Variants in LRRTM3 observed in about 807,000 individuals in gnomAD.
LRRTM3 encodes leucine rich repeat transmembrane neuronal 3.
A neutral mutation model predicts 44.7 loss-of-function variants in LRRTM3; 24 were observed. The ratio of observed to expected loss-of-function variants is 0.54; its 90% CI spans 0.39 to 0.76. The LOEUF is 0.76. Among genes scored for constraint, LRRTM3 ranks in the 30% least tolerant of loss-of-function variants. The pLI, the probability that LRRTM3 is intolerant of heterozygous loss-of-function variation, is 0.00. For missense variants in LRRTM3, 587 were observed against 702.2 expected, an observed-to-expected ratio of 0.84 and a Z score of 1.85; for synonymous variants, 277 against 278.7, an observed-to-expected ratio of 0.99 and a Z score of 0.06.
chr10:67,012,774 G>C (rs1180189462), intron 2 of LRRTM3, among the ~76,000 whole-genome samples: 3 of 151,960 alleles, frequency 2.0e-5, no homozygotes, highest in Non-Finnish European at 4.4e-5. Flanking sequence ...CAAGATTTTT[G>C]TTGGAATTCA....
intron 2 of LRRTM3, among the ~76,000 whole-genome samples, chr10:67,089,867 A>G (rs2131905074): frequency 6.6e-6 from 1 of 152,056 alleles, no homozygotes; most frequent in South Asian, 2.1e-4. Context: ...GCCAGAGAGC[A>G]GAAATTGTGT....
chr10:67,080,949 A>G (rs1382229381), intron 2 of LRRTM3, among the ~76,000 whole-genome samples: 4 of 150,404 alleles, frequency 2.7e-5, no homozygotes, highest in African/African-American at 4.9e-5. Context: ...AAAAAAAAAA[A>G]CAAAGAAGAG....
At chr10:66,958,824 A>AG in intron 2 of LRRTM3, among the ~76,000 whole-genome samples, 1 of 152,142 alleles carries the variant, frequency 6.6e-6, no homozygotes, top group Non-Finnish European at 1.5e-5. Flanking sequence ...GAAGGAAAGG[A>AG]ATTAAAATGG....
chr10:66,964,153 C>T (rs1849274549), intron 2 of LRRTM3, among the ~76,000 whole-genome samples: 1 of 151,944 alleles, frequency 6.6e-6, no homozygotes, highest in Admixed American at 6.6e-5. Flanking sequence ...CCCAGCCAGA[C>T]ATCAATTTCT....
At chr10:67,004,406 CT>C (rs1388644585) in intron 2 of LRRTM3, among the ~76,000 whole-genome samples, 3 of 152,194 alleles carry the variant, frequency 2.0e-5, no homozygotes, top group Admixed American at 6.5e-5. Context: ...TCTTGCTTCC[CT>C]GTTAAAATGA....
chr10:67,049,650 G>A (rs1854961395), intron 2 of LRRTM3, among the ~76,000 whole-genome samples: 1 of 152,128 alleles, frequency 6.6e-6, no homozygotes, highest in South Asian at 2.1e-4. Flanking sequence ...CAACACACCT[G>A]AATTTTCAGG....
chr10:67,037,353 G>T (rs1402541396), intron 2 of LRRTM3, among the ~76,000 whole-genome samples: 1 of 147,744 alleles, frequency 6.8e-6, no homozygotes, highest in Non-Finnish European at 1.5e-5. Context: ...ACACTATGTG[G>T]CAACAATGGA....
At chr10:67,023,072 A>C (rs568797660) in intron 2 of LRRTM3, among the ~76,000 whole-genome samples, 1 of 152,322 alleles carries the variant, frequency 6.6e-6, no homozygotes, top group Admixed American at 6.5e-5. Context: ...ACTTTTCCCC[A>C]GTTGAGCTAT....
chr10:66,996,221 T>C (rs1351328799), intron 2 of LRRTM3, among the ~76,000 whole-genome samples: 1 of 152,162 alleles, frequency 6.6e-6, no homozygotes, highest in Non-Finnish European at 1.5e-5. Flanking sequence ...TAATTAGAGA[T>C]GTTAACAAAT....
chr10:67,073,472 C>T (rs1261146141), intron 2 of LRRTM3, among the ~76,000 whole-genome samples: 1 of 152,012 alleles, frequency 6.6e-6, no homozygotes. Flanking sequence ...CCTTTGCCAT[C>T]CTGATCATCA....
intron 2 of LRRTM3, among the ~76,000 whole-genome samples, chr10:66,981,396 C>G (rs1850433772): frequency 6.6e-6 from 1 of 152,230 alleles, no homozygotes; most frequent in Non-Finnish European, 1.5e-5. Context: ...GCATTCTGCA[C>G]TCTTCTGGAT....
chr10:66,926,358 T>G lies in LRRTM3; in HGVS notation c.-226T>G. On this transcript the variant is annotated 5_prime_UTR_variant, in exon 1 of 3. The change abolishes an upstream ATG in the 5' untranslated region. Transcript: ENST00000361320. ...ATCCTATTACCTAGGAAGATTTTGA[T>G]GTTTTGCTGCGAATGCGGTGTTGGG... The G allele has an allele frequency of 3.3e-6, 2 of 613,728 alleles. No individual in the cohort carries two copies. The highest frequency in any genetic ancestry group is 5.8e-6 in the Non-Finnish European group (2 of 342,352). The allele number at this position is 613,728 out of a possible 1,614,324, so 38.0% of individuals were successfully genotyped here. A position where few individuals can be genotyped will look rare whatever the true frequency, so the allele number is the denominator to read the frequency against.
At chr10:66,937,120 A>T (rs900351880) in intron 2 of LRRTM3, among the ~76,000 whole-genome samples, 1 of 152,156 alleles carries the variant, frequency 6.6e-6, no homozygotes, top group African/African-American at 2.4e-5. Flanking sequence ...CATTATACAA[A>T]GTCTTTCTCC....
At chr10:67,085,786 G>A (rs766899391) in intron 2 of LRRTM3, among the ~76,000 whole-genome samples, 3 of 151,794 alleles carry the variant, frequency 2.0e-5, no homozygotes, top group Non-Finnish European at 2.9e-5. Context: ...TTACTAATAC[G>A]CAAGCCTGCA....
chr10:66,937,514 C>G (rs1323219871), intron 2 of LRRTM3, among the ~76,000 whole-genome samples: 2 of 152,064 alleles, frequency 1.3e-5, no homozygotes, highest in Non-Finnish European at 2.9e-5. Context: ...ATTACACTAC[C>G]TATTTTTATT....
chr10:66,932,692 AT>A (rs1847470654), intron 2 of LRRTM3, among the ~76,000 whole-genome samples: 1 of 72,094 alleles, frequency 1.4e-5, no homozygotes, highest in Non-Finnish European at 4.4e-5. Flanking sequence ...CTAATTAAAA[AT>A]GAATTAAAGA....
chr10:66,927,403 C>G lies in LRRTM3; in HGVS notation c.487C>G (p.His163Asp). 6.2e-7 allele frequency: 1 copy of G among 1,614,128 alleles called. No homozygotes were observed. Among genetic ancestry groups the G allele is most frequent in the Non-Finnish European group, 8.5e-7 (1 of 1,180,030 alleles). The change falls in exon 2 of 3, where the codon CAT becomes GAT. Residue 163 changes from histidine to aspartate, a missense_variant. By Grantham distance (81) the His-to-Asp change is moderately conservative. This residue lies in a region of LRRTM3 where 222 missense variants were observed against 323.3 expected (regional missense o/e 0.69). Coordinates refer to ENST00000361320, the MANE Select transcript of LRRTM3 (RefSeq NM_178011.5). This position sits in a 1 kb window ranked among gnomAD's most constrained non-coding sequence, Gnocchi z 4.7. ...GGGCTTGCGGAAGCTGCTGAGTTTA[C>G]ATTTACGGTCTAACTCCCTGAGAAC... ...FRGLRKLLSL[H>D]LRSNSLRTIP... is the part of the protein sequence containing the mutation.
intron 2 of LRRTM3, among the ~76,000 whole-genome samples, chr10:67,039,670 C>T: frequency 6.6e-6 from 1 of 152,040 alleles, no homozygotes; most frequent in Admixed American, 6.6e-5. Context: ...CATGACAGAA[C>T]ACCAGCATTA....
chr10:67,009,682 T>C (rs888801115), intron 2 of LRRTM3, among the ~76,000 whole-genome samples: 1 of 152,180 alleles, frequency 6.6e-6, no homozygotes, highest in Non-Finnish European at 1.5e-5. Context: ...TTAGTCTCCT[T>C]TCTATTTGAT....
Sources: gnomAD v4.1 joint callset for allele counts (sites outside exome capture counted in the v4.1 genomes callset) on GRCh38, gnomAD v4.1.1 for gene constraint, gnomAD v4.1.1 regional missense constraint, Gnocchi (gnomAD v3.1) non-coding constraint, MANE v1.5 for transcripts, NCBI Gene and HGNC (gene_info 2026-07-23, HGNC 2026-07-21) for gene names.